NT5C3A: variants seen among roughly 807,000 people sequenced by gnomAD.
NT5C3A encodes the protein cytosolic 5'-nucleotidase 3A.
In NT5C3A, 23 loss-of-function variants were observed where a neutral mutation model predicts 40.0. The observed-to-expected ratio is 0.58, with a 90% CI of 0.41 to 0.81. The LOEUF (loss-of-function observed/expected upper bound fraction) is 0.81. Ranked by LOEUF, NT5C3A falls within the 40% of genes least tolerant of loss-of-function variation. NT5C3A has a pLI of 0.00. For missense variants in NT5C3A, 328 were observed against 403.0 expected (o/e 0.81, Z 1.59); for synonymous variants, 130 against 141.4 (o/e 0.92, Z 0.57).
intron 1 of NT5C3A, chr7:33,038,928 A>T (rs1252768308): frequency 2.2e-6 from 1 of 455,676 alleles, no homozygotes; most frequent in East Asian, 7.0e-5. Context: ...TGATCTACGA[A>T]CTCTCTTCAA....
At chr7:33,018,550 A>T (rs1785461127) in intron 6 of NT5C3A, among the ~76,000 whole-genome samples, 1 of 152,234 alleles carries the variant, frequency 6.6e-6, no homozygotes, top group Non-Finnish European at 1.5e-5. Context: ...GGTAATAAAC[A>T]GTATTAAACA....
At chr7:33,025,944 G>A (rs1785903424) in intron 2 of NT5C3A, among the ~76,000 whole-genome samples, 3 of 152,176 alleles carry the variant, frequency 2.0e-5, no homozygotes, top group African/African-American at 4.8e-5. Flanking sequence ...CCAGCACTTT[G>A]GGAGGCCGAG....
chr7:33,021,002 A>G (rs1785595463), intron 5 of NT5C3A, among the ~76,000 whole-genome samples: 1 of 151,856 alleles, frequency 6.6e-6, no homozygotes, highest in South Asian at 2.1e-4. Context: ...CATATACTTA[A>G]AAAAAAATTC....
intron 6 of NT5C3A, among the ~76,000 whole-genome samples, chr7:33,019,298 T>G (rs1323536175): frequency 6.6e-6 from 1 of 152,122 alleles, no homozygotes; most frequent in Non-Finnish European, 1.5e-5. Flanking sequence ...TTAACTTGAT[T>G]TATACATTCC....
intron 1 of NT5C3A, among the ~76,000 whole-genome samples, chr7:33,050,872 A>C (rs1255207107): frequency 1.3e-5 from 2 of 152,234 alleles, no homozygotes; most frequent in African/African-American, 2.4e-5. Flanking sequence ...AAGAAAGATA[A>C]TTTGATATAG....
intron 1 of NT5C3A, among the ~76,000 whole-genome samples, chr7:33,037,932 C>A (rs1485426267): frequency 1.3e-5 from 2 of 152,032 alleles, no homozygotes; most frequent in Non-Finnish European, 2.9e-5. Flanking sequence ...TGATTATAGT[C>A]AAGTTTAAGT....
chr7:33,038,125 A>G (rs1786709523), intron 1 of NT5C3A, among the ~76,000 whole-genome samples: 1 of 152,164 alleles, frequency 6.6e-6, no homozygotes, highest in African/African-American at 2.4e-5. Context: ...CTCAAAGAGC[A>G]CTATTTAAAT....
rs1440543503 is a variant in NT5C3A, at chr7:33,042,239, A to C, written c.139-15324T>G. Among the ~76,000 whole-genome samples, 6 of 152,234 alleles carry C rather than the reference A, an allele frequency of 3.9e-5. No homozygotes were observed. In the South Asian group the frequency reaches 1.0e-3, roughly 26 times the overall value. ...TGTAATCCCAGCTACTCAGGGTAGG[A>C]GAATCACTTGAACCCAGGAGGCGGA... On this transcript the variant is annotated intron_variant, in intron 1 of 8. Coordinates refer to ENST00000610140, the MANE Select transcript of NT5C3A (RefSeq NM_001002010.5).
At chr7:33,021,141 T>G in intron 5 of NT5C3A, 131 bp downstream of exon 5, 2 of 1,187,562 alleles carry the variant, frequency 1.7e-6, no homozygotes, top group Admixed American at 2.8e-5. Context: ...ATTTTGTTAT[T>G]CAATGCTCTA....
chr7:33,039,555 G>GTTTTTTTTT lies in NT5C3A; in HGVS notation c.139-12641_139-12640insAAAAAAAAA, dbSNP rs776873396. ...TACTATTTGACTTTCTTAAGCTTGGGTTTTTTGTTTTTTTTTTTTTTTAAT... is the reference window on the plus strand; with the variant it reads ...TACTATTTGACTTTCTTAAGCTTGGGTTTTTTTTTTTTTTTGTTTTTTTTTTTTTTTAAT... On this transcript the variant is annotated intron_variant, in intron 1 of 8. Transcript: ENST00000610140. 7.7e-3 allele frequency among the ~76,000 whole-genome samples: 536 copies of GTTTTTTTTT among 69,938 alleles called. 69 individuals are homozygous for GTTTTTTTTT. Among genetic ancestry groups the GTTTTTTTTT allele is most frequent in the Middle Eastern group, 0.05 (4 of 80 alleles). 45.9% of individuals were successfully genotyped at this position (69,938 alleles called of 152,430 possible).
At chr7:33,040,317 G>A (rs1786850840) in intron 1 of NT5C3A, among the ~76,000 whole-genome samples, 1 of 151,920 alleles carries the variant, frequency 6.6e-6, no homozygotes. Flanking sequence ...ATAAATTTTT[G>A]AATCTTAATT....
intron 1 of NT5C3A, among the ~76,000 whole-genome samples, chr7:33,034,981 T>G (rs1786506405): frequency 6.6e-6 from 1 of 152,002 alleles, no homozygotes; most frequent in Admixed American, 6.6e-5. Context: ...TTTCCACACA[T>G]GCAAATAAAT....
intron 5 of NT5C3A, among the ~76,000 whole-genome samples, chr7:33,020,901 T>C (rs1337563421): frequency 1.3e-5 from 2 of 152,152 alleles, no homozygotes; most frequent in African/African-American, 4.8e-5. Context: ...CAAAGGTCGA[T>C]TTTTGGGTAA....
At chr7:33,024,250 C>A in intron 2 of NT5C3A, 142 bp from the exon 3 acceptor site, 1 of 664,326 alleles carries the variant, frequency 1.5e-6, no homozygotes, top group African/African-American at 1.8e-5. Context: ...TTAACTTATT[C>A]TCTTTACATT....
intron 1 of NT5C3A, among the ~76,000 whole-genome samples, chr7:33,049,001 GATA>G (rs1242868517): frequency 1.3e-5 from 2 of 152,184 alleles, no homozygotes; most frequent in African/African-American, 4.8e-5. Flanking sequence ...GAAGGGAGAA[GATA>G]GGACAATATG....
At chr7:33,047,996 A>ATGTG (rs10582277) in intron 1 of NT5C3A, among the ~76,000 whole-genome samples, 6 of 150,436 alleles carry the variant, frequency 4.0e-5, no homozygotes, top group Non-Finnish European at 5.9e-5. Flanking sequence ...TTATATGTGT[A>ATGTG]TGTGTGTGTG....
intron 1 of NT5C3A, among the ~76,000 whole-genome samples, chr7:33,033,734 T>C (rs938917328): frequency 3.3e-5 from 5 of 151,824 alleles, no homozygotes; most frequent in African/African-American, 1.2e-4. Context: ...GGGTCTAATA[T>C]GGGAAAAAGA....
chr7:33,034,066 T>C (rs1786446353), intron 1 of NT5C3A, among the ~76,000 whole-genome samples: 4 of 151,754 alleles, frequency 2.6e-5, no homozygotes, highest in Non-Finnish European at 4.4e-5. Flanking sequence ...AATTTTTTTG[T>C]ATTTTTAGTA....
intron 1 of NT5C3A, among the ~76,000 whole-genome samples, chr7:33,056,138 C>A (rs958671214): frequency 2.6e-5 from 4 of 151,840 alleles, no homozygotes; most frequent in African/African-American, 9.7e-5. Flanking sequence ...AAGAAAAGCA[C>A]CCATTCCAAC....
Sources: gnomAD v4.1 joint callset for allele counts (sites outside exome capture counted in the v4.1 genomes callset) on GRCh38, gnomAD v4.1.1 for gene constraint, MANE v1.5 for transcripts, NCBI Gene and HGNC (gene_info 2026-07-23, HGNC 2026-07-21) for gene names.